PTPRU: variants seen among roughly 807,000 people sequenced by gnomAD.
The protein encoded by PTPRU is receptor-type tyrosine-protein phosphatase U.
In PTPRU, 69 loss-of-function variants were observed where a neutral mutation model predicts 166.3. The ratio of observed to expected loss-of-function variants is 0.41; its 90% CI spans 0.34 to 0.51. The LOEUF is 0.51. Ranked by LOEUF, PTPRU falls within the 20% of genes least tolerant of loss-of-function variation. The pLI is 0.09. For synonymous variants in PTPRU, 793 were observed against 814.0 expected, an observed-to-expected ratio of 0.97 and a Z score of 0.44; for missense variants, 1,657 against 2,013.7, an observed-to-expected ratio of 0.82 and a Z score of 3.39.
chr1:29,249,087 C>T (rs755171910), intron 1 of PTPRU, among the ~76,000 whole-genome samples: 1 of 152,294 alleles, frequency 6.6e-6, no homozygotes, highest in Non-Finnish European at 1.5e-5. Context: ...CCCGGTCTTC[C>T]GCCTCCCATT....
At chr1:29,304,724 C>CTA (rs3831903) in intron 16 of PTPRU, 50 bp from the exon 17 acceptor site, 657,132 of 1,463,186 alleles carry the variant, frequency 0.45, 156,265 homozygotes, top group East Asian at 0.83. Flanking sequence ...GGAAGGGGCC[C>CTA]TCAGTGAGGG....
At chr1:29,255,048 G>A (rs75297032) in intron 1 of PTPRU, among the ~76,000 whole-genome samples, 6,020 of 152,228 alleles carry the variant, frequency 0.04, 157 homozygotes, top group Middle Eastern at 0.065. Flanking sequence ...AGTACTGGGG[G>A]AGTTGGCAGT....
intron 15 of PTPRU, among the ~76,000 whole-genome samples, chr1:29,300,566 T>G (rs1456756378): frequency 6.6e-6 from 1 of 152,246 alleles, no homozygotes; most frequent in Non-Finnish European, 1.5e-5. Context: ...CTTTTCTCTT[T>G]GGACCTCAGT....
At chr1:29,319,644 C>T (rs1478291464) in intron 25 of PTPRU, among the ~76,000 whole-genome samples, 9 of 152,210 alleles carry the variant, frequency 5.9e-5, no homozygotes, top group South Asian at 2.1e-4. Context: ...GGAGAGAGAT[C>T]GCTGGGGGAC....
At position 29,260,368 on chromosome 1, in the gene PTPRU, G is replaced by C. The variant is rs1212722570; in HGVS notation, c.851-242G>C. The C allele has an allele frequency of 2.1e-6, 1 of 477,948 alleles. No individual in the cohort carries two copies. The highest frequency in any genetic ancestry group is 3.5e-5 in the East Asian group (1 of 28,544). 29.6% of individuals were successfully genotyped at this position (477,948 alleles called of 1,614,324 possible). A position where few individuals can be genotyped will look rare whatever the true frequency, so the allele number is the denominator to read the frequency against. On this transcript the variant is annotated intron_variant, in intron 6 of 29. Coordinates refer to ENST00000373779, the MANE Select transcript of PTPRU (RefSeq NM_133178.4). The surrounding 1 kb of genome is among the most constrained non-coding windows in gnomAD (Gnocchi z 8.3). ...AGGAGGCGAGGATGTGGGGGATTAGGAGGGGCCTGAGAGAGGGGTTGTGGG... is the reference window on the plus strand; with the variant it reads ...AGGAGGCGAGGATGTGGGGGATTAGCAGGGGCCTGAGAGAGGGGTTGTGGG...
In PTPRU at chr1:29,260,733, G is replaced by T. The variant is rs764162839; in HGVS notation, c.974G>T (p.Arg325Leu). ...ATCGTGCGCAAGGAGATTGAGTACC[G>T]CATGGCGCGCGGGCCCTGGGCTGAG... ...GPIVRKEIEY[R>L]MARGPWAEVH... Residue 325 changes from arginine (R) to leucine (L), a missense_variant, in exon 7 of 30, where the codon CGC becomes CTC. Transcript: ENST00000373779. This position sits in a 1 kb window ranked among gnomAD's most constrained non-coding sequence, Gnocchi z 8.3. 6.2e-7 allele frequency: 1 copy of T among 1,609,428 alleles called. No individual in the cohort carries two copies. Among genetic ancestry groups the T allele is most frequent in the Non-Finnish European group, 8.5e-7 (1 of 1,177,934 alleles).
In PTPRU at chr1:29,238,278, T is replaced by C. The variant is rs1455930613; in HGVS notation, c.73+1561T>C. Among the ~76,000 whole-genome samples, 1 of 152,102 alleles carries C rather than the reference T, an allele frequency of 6.6e-6. No individual in the cohort carries two copies. The highest frequency in any genetic ancestry group is 1.5e-5 in the Non-Finnish European group (1 of 68,002). On this transcript the variant is annotated intron_variant, in intron 1 of 29. Coordinates refer to ENST00000373779, the MANE Select transcript of PTPRU (RefSeq NM_133178.4). The surrounding 1 kb of genome is among the most constrained non-coding windows in gnomAD (Gnocchi z 6.1). The stretch of plus-strand genomic sequence containing the variant: ...TGTGTCGGATGTGTGTGCGTGCGCG[T>C]GTTCCACATCCCACCCTGAGGCCTG...
At chr1:29,302,145 A>ATGTGTGTG (rs1345978784) in intron 15 of PTPRU, among the ~76,000 whole-genome samples, 3 of 138,474 alleles carry the variant, frequency 2.2e-5, no homozygotes, top group Admixed American at 7.0e-5. Context: ...GCCTAGGCTA[A>ATGTGTGTG]TGTGTATGTG....
chr1:29,277,228 G>A (rs996362798), intron 8 of PTPRU, among the ~76,000 whole-genome samples: 1 of 152,172 alleles, frequency 6.6e-6, no homozygotes, highest in Non-Finnish European at 1.5e-5. Context: ...AGCCTCCTGA[G>A]TAGCTGGGAT....
intron 2 of PTPRU, among the ~76,000 whole-genome samples, chr1:29,256,685 T>C (rs958903382): frequency 6.6e-6 from 1 of 152,190 alleles, no homozygotes; most frequent in Non-Finnish European, 1.5e-5. Context: ...GTTTGCCTTC[T>C]CTGAAAATAA....
At chr1:29,321,588 G>A (rs893555691) in intron 26 of PTPRU, among the ~76,000 whole-genome samples, 1 of 152,190 alleles carries the variant, frequency 6.6e-6, no homozygotes, top group Non-Finnish European at 1.5e-5. Flanking sequence ...GGGGGCCTCC[G>A]AGGTAGAGTA....
Position 29,282,704 on chromosome 1 carries a change from C to G in PTPRU, c.1897C>G (p.Arg633Gly), listed in dbSNP as rs757579431. The G allele has an allele frequency of 6.2e-7, 1 of 1,612,888 alleles. No individual in the cohort carries two copies. Among genetic ancestry groups the G allele is most frequent in the Admixed American group, 1.7e-5 (1 of 59,998 alleles). Residue 633 changes from arginine (R) to glycine (G), a missense_variant, in exon 12 of 30, where the codon CGG becomes GGG. Coordinates refer to ENST00000373779, the MANE Select transcript of PTPRU (RefSeq NM_133178.4). ...GTACCAGGTGATTGTGGAGGAGGAG[C>G]GGGCGCGGAGGCTGCGGCGGGAGCC... ...SVYQVIVEEE[R>G]ARRLRREPGG...
In PTPRU at chr1:29,236,707, G is replaced by C. The variant is rs1683780790; in HGVS notation, c.63G>C (p.Glu21Asp). The C allele has an allele frequency of 2.1e-6, 3 of 1,454,974 alleles. No individual in the cohort carries two copies. In the East Asian group the frequency reaches 8.6e-5, roughly 42 times the overall value. 90.1% of individuals were successfully genotyped at this position (1,454,974 alleles called of 1,614,324 possible). A position where few individuals can be genotyped will look rare whatever the true frequency, so the allele number is the denominator to read the frequency against. The change falls in exon 1 of 30, where the codon GAG becomes GAC. Residue 21 changes from glutamate to aspartate, a missense_variant. This residue lies in a region of PTPRU where 453 missense variants were observed against 496.9 expected (regional missense o/e 0.91). Coordinates refer to ENST00000373779, the MANE Select transcript of PTPRU (RefSeq NM_133178.4). This position sits in a 1 kb window ranked among gnomAD's most constrained non-coding sequence, Gnocchi z 4.6. Reference protein sequence around the residue: ...LTFQLCAPETETPAAGCTFEE... With the variant: ...LTFQLCAPETDTPAAGCTFEE... ...TCCAGCTCTGCGCGCCGGAGACCGA[G>C]ACTCCGGCAGGTAAGCGCGCGGCGG...
chr1:29,241,611 T>C (rs1684060092), intron 1 of PTPRU, among the ~76,000 whole-genome samples: 1 of 151,600 alleles, frequency 6.6e-6, no homozygotes, highest in Non-Finnish European at 1.5e-5. Context: ...CTTCTTTTTT[T>C]TGAGATGGAG....
intron 1 of PTPRU, among the ~76,000 whole-genome samples, chr1:29,245,658 C>T (rs1157332934): frequency 6.6e-6 from 1 of 152,102 alleles, no homozygotes; most frequent in East Asian, 1.9e-4. Context: ...GACCGTGCCT[C>T]CATCCTGCCA....
chr1:29,260,740 G>A lies in PTPRU; in HGVS notation c.981G>A (p.Ala327=), dbSNP rs202200992. 1.2e-6 allele frequency: 2 copies of A among 1,610,652 alleles called. No individual in the cohort carries two copies. The highest frequency in any genetic ancestry group is 1.1e-5 in the South Asian group (1 of 90,702). The part of the protein sequence containing the change: ...IVRKEIEYRM[A]RGPWAEVHAV... ...GCAAGGAGATTGAGTACCGCATGGC[G>A]CGCGGGCCCTGGGCTGAGGTGCACG... Residue 327 remains alanine, a synonymous_variant, in exon 7 of 30, where the codon GCG becomes GCA. Transcript: ENST00000373779. The surrounding 1 kb of genome is among the most constrained non-coding windows in gnomAD (Gnocchi z 8.3).
chr1:29,260,005 G>A lies in PTPRU; in HGVS notation c.811G>A (p.Gly271Ser). Residue 271 changes from glycine to serine, a missense_variant, in exon 6 of 30, where the codon GGC (glycine) becomes AGC (serine). Around this residue, in one of 3 missense-constraint regions of PTPRU, gnomAD observed 453 missense variants for 496.9 expected, o/e 0.91. Coordinates refer to ENST00000373779, the MANE Select transcript of PTPRU (RefSeq NM_133178.4). The surrounding 1 kb of genome is among the most constrained non-coding windows in gnomAD (Gnocchi z 8.3). ...LYRCVSQAPR[G>S]AGVSNFAELI... ...CCGCTGTGTGTCCCAGGCCCCGCGC[G>A]GCGCGGGCGTCTCTAACTTCGCGGA... The A allele has an allele frequency of 2.7e-6, 4 of 1,487,676 alleles. No homozygotes were observed. The highest frequency in any genetic ancestry group is 3.5e-6 in the Non-Finnish European group (4 of 1,126,988). 92.2% of individuals were successfully genotyped at this position (1,487,676 alleles called of 1,614,324 possible).
chr1:29,293,382 C>T (rs1389459943), intron 15 of PTPRU, among the ~76,000 whole-genome samples: 1 of 152,200 alleles, frequency 6.6e-6, no homozygotes, highest in Non-Finnish European at 1.5e-5. Flanking sequence ...GCCTCAGCCT[C>T]CCAAAGTGTT....
At position 29,257,394 on chromosome 1, in the gene PTPRU, C is replaced by A. The variant is rs1266234032; in HGVS notation, c.206-1111C>A. 6.6e-6 allele frequency among the ~76,000 whole-genome samples: 1 copy of A among 152,166 alleles called. No individual in the cohort carries two copies. Among genetic ancestry groups the A allele is most frequent in the African/African-American group, 2.4e-5 (1 of 41,442 alleles). On this transcript the variant is annotated intron_variant, in intron 2 of 29. Transcript: ENST00000373779. The surrounding 1 kb of genome is among the most constrained non-coding windows in gnomAD (Gnocchi z 4.6). ...TGAATGAGATCGCCTCCAGCAGAGT[C>A]CCTGGGGAGCCCTCCTGGAGCGGGG...
Sources: gnomAD v4.1 joint callset for allele counts (sites outside exome capture counted in the v4.1 genomes callset) on GRCh38, gnomAD v4.1.1 for gene constraint, gnomAD v4.1.1 regional missense constraint, Gnocchi (gnomAD v3.1) non-coding constraint, MANE v1.5 for transcripts, NCBI Gene and HGNC (gene_info 2026-07-23, HGNC 2026-07-21) for gene names.